Variants in PEAK1 observed in about 807,000 individuals in gnomAD.
The protein encoded by PEAK1 is inactive tyrosine-protein kinase PEAK1.
PEAK1 carries 54 observed loss-of-function variants against 124.7 expected under a neutral mutation model. That is an observed-to-expected ratio of 0.43 (90% CI 0.35 to 0.54). The LOEUF (loss-of-function observed/expected upper bound fraction) is 0.54. Among genes scored for constraint, PEAK1 ranks in the 20% least tolerant of loss-of-function variants. PEAK1 has a pLI of 0.01. For synonymous variants in PEAK1, 719 were observed against 760.0 expected, an observed-to-expected ratio of 0.95 and a Z score of 0.89; for missense variants, 2,046 against 2,134.5, an observed-to-expected ratio of 0.96 and a Z score of 0.82.
intron 1 of PEAK1, chr15:77,417,362 C>A: frequency 1.0e-6 from 1 of 981,546 alleles, no homozygotes; most frequent in African/African-American, 1.8e-5. Context: ...TTCTACTTCA[C>A]TAAGGAAAAC....
intron 9 of PEAK1, among the ~76,000 whole-genome samples, chr15:77,125,995 G>A (rs1465825740): frequency 1.3e-5 from 2 of 152,194 alleles, no homozygotes; most frequent in East Asian, 3.8e-4. Context: ...TGGTACTAGA[G>A]GATGGGACTA....
chr15:77,170,691 A>AC (rs2056445135), intron 7 of PEAK1, among the ~76,000 whole-genome samples: 1 of 152,188 alleles, frequency 6.6e-6, no homozygotes, highest in Non-Finnish European at 1.5e-5. Context: ...CAGATATTAT[A>AC]CATTTAGTAC....
chr15:77,122,838 A>G (rs1168694140), intron 9 of PEAK1, among the ~76,000 whole-genome samples: 1 of 152,182 alleles, frequency 6.6e-6, no homozygotes, highest in Non-Finnish European at 1.5e-5. Flanking sequence ...TTTCCTCACC[A>G]CTAAGCCAGT....
At position 77,340,343 on chromosome 15, in the gene PEAK1, A is replaced by G. The variant is rs74584541; in HGVS notation, c.-603+24820T>C. On this transcript the variant is annotated intron_variant, in intron 2 of 9. Transcript: ENST00000682557. ...ATACAGGAAGCTTGAACTAACACAG[A>G]TAAGTGAAAGAAGCCATCTGAAGAG... Among the ~76,000 whole-genome samples, 1,114 of 152,328 alleles carry G rather than the reference A, an allele frequency of 7.3e-3. 15 individuals carry two copies. Among genetic ancestry groups the G allele is most frequent in the African/African-American group, 0.025 (1,055 of 41,576 alleles).
chr15:77,242,067 G>T (rs576694253), intron 6 of PEAK1, among the ~76,000 whole-genome samples: 1 of 151,690 alleles, frequency 6.6e-6, no homozygotes, highest in South Asian at 2.1e-4. Context: ...CCATTCTTTT[G>T]TACTTGATGT....
chr15:77,305,455 G>GA (rs1206418642), intron 2 of PEAK1, among the ~76,000 whole-genome samples: 1 of 152,128 alleles, frequency 6.6e-6, no homozygotes, highest in East Asian at 1.9e-4. Flanking sequence ...GGCCAGAGGC[G>GA]AAGGTCTATA....
intron 6 of PEAK1, among the ~76,000 whole-genome samples, chr15:77,201,790 A>C (rs1041249119): frequency 3.3e-5 from 5 of 152,120 alleles, no homozygotes. Context: ...TTTTATGTTA[A>C]TATATTCATG....
intron 1 of PEAK1, among the ~76,000 whole-genome samples, chr15:77,372,215 C>G (rs2141696688): frequency 6.6e-6 from 1 of 152,270 alleles, no homozygotes; most frequent in African/African-American, 2.4e-5. Context: ...TTAGTAGGCT[C>G]TGAATTGAAT....
chr15:77,224,470 G>A (rs12915396), intron 6 of PEAK1, among the ~76,000 whole-genome samples: 150,558 of 152,150 alleles, frequency 0.99, 74,512 homozygotes, highest in East Asian at 1. Context: ...TTAGAAGAGG[G>A]CTGATTTGTC....
At chr15:77,418,065 G>A (rs2073033920) in intron 1 of PEAK1, 17 of 983,496 alleles carry the variant, frequency 1.7e-5, no homozygotes, top group Non-Finnish European at 2.1e-5. Context: ...ATTTCTTCAT[G>A]GGCCTTCAGG....
rs144111164 is a variant in PEAK1 at position 77,278,764 on chromosome 15, A to C, written c.-275+5119T>G. Reference sequence around the variant, plus strand: ...GCACGTGCATTTTTGATAACTGTGTACTTCTGGTGACTATACAGTTTGAAA... The same window carrying C: ...GCACGTGCATTTTTGATAACTGTGTCCTTCTGGTGACTATACAGTTTGAAA... On this transcript the variant is annotated intron_variant, in intron 5 of 9. Transcript: ENST00000682557. 4.0e-4 allele frequency: 182 copies of C among 457,780 alleles called. 7 individuals are homozygous for C. In the East Asian group the frequency reaches 9.9e-3, roughly 25 times the overall value. The allele number at this position is 457,780 out of a possible 1,614,324, so 28.4% of individuals were successfully genotyped here.
At chr15:77,334,141 T>G in intron 2 of PEAK1, 4 of 931,186 alleles carry the variant, frequency 4.3e-6, no homozygotes, top group Non-Finnish European at 5.1e-6. Flanking sequence ...AGAGATTTTT[T>G]TTCTCCATTG....
intron 1 of PEAK1, among the ~76,000 whole-genome samples, chr15:77,395,416 C>A (rs561727479): frequency 6.6e-6 from 1 of 152,138 alleles, no homozygotes; most frequent in East Asian, 1.9e-4. Flanking sequence ...GAAGACTTCC[C>A]AAACCTAGAG....
At chr15:77,341,083 T>C (rs550038181) in intron 2 of PEAK1, among the ~76,000 whole-genome samples, 8 of 152,058 alleles carry the variant, frequency 5.3e-5, no homozygotes, top group Non-Finnish European at 1.2e-4. Flanking sequence ...TCTTAAATTA[T>C]AACTTTACTA....
chr15:77,135,042 CCAGA>C (rs1377443648), intron 8 of PEAK1, among the ~76,000 whole-genome samples: 1 of 152,136 alleles, frequency 6.6e-6, no homozygotes, highest in African/African-American at 2.4e-5. Context: ...CTACCAGATG[CCAGA>C]CAAAGGCAAG....
chr15:77,162,858 T>A (rs570915363), intron 7 of PEAK1, among the ~76,000 whole-genome samples: 4 of 152,318 alleles, frequency 2.6e-5, no homozygotes, highest in African/African-American at 9.6e-5. Context: ...TCTGTGAGAA[T>A]TTCTTATATA....
At chr15:77,352,561 A>ATTT in intron 2 of PEAK1, 1 of 953,960 alleles carries the variant, frequency 1.0e-6, no homozygotes, top group Non-Finnish European at 1.2e-6. Flanking sequence ...CTTTAGAAAT[A>ATTT]TGTCATTTTT....
intron 1 of PEAK1, chr15:77,402,757 T>C (rs2071481887): frequency 7.1e-6 from 7 of 985,264 alleles, no homozygotes; most frequent in Admixed American, 6.2e-5. Context: ...AAGCAGACTT[T>C]CATACTGCAC....
At chr15:77,323,570 G>T (rs897948231) in intron 2 of PEAK1, among the ~76,000 whole-genome samples, 3 of 151,994 alleles carry the variant, frequency 2.0e-5, no homozygotes, top group Admixed American at 6.6e-5. Context: ...GGAATCCAAC[G>T]TACAAGGGAC....
Sources: gnomAD v4.1 joint callset for allele counts (sites outside exome capture counted in the v4.1 genomes callset) on GRCh38, gnomAD v4.1.1 for gene constraint, MANE v1.5 for transcripts, NCBI Gene and HGNC (gene_info 2026-07-23, HGNC 2026-07-21) for gene names.